The following SYNE2 variants were observed in gnomAD, a reference collection of about 807,000 sequenced individuals.
The protein encoded by SYNE2 is nesprin-2.
Under a neutral mutation model 856.3 loss-of-function variants are expected in SYNE2, and 431 were observed. That is an observed-to-expected ratio of 0.50 (90% CI 0.47 to 0.55). The LOEUF (loss-of-function observed/expected upper bound fraction) is 0.55. Among genes scored for constraint, SYNE2 ranks in the 20% least tolerant of loss-of-function variants. SYNE2 has a pLI of 0.00. For missense variants in SYNE2, 8,129 were observed against 8,023.2 expected (o/e 1.01, Z -0.50); for synonymous variants, 2,923 against 2,872.3 (o/e 1.02, Z -0.56).
At chr14:64,031,844 C>G (rs2097039019) in intron 45 of SYNE2, among the ~76,000 whole-genome samples, 1 of 152,196 alleles carries the variant, frequency 6.6e-6, no homozygotes, top group Admixed American at 6.5e-5. Flanking sequence ...AGGCTCCTAG[C>G]TTTCCCTAGG....
At chr14:63,853,323 G>T (rs1361329876) in intron 1 of SYNE2, among the ~76,000 whole-genome samples, 180 bp downstream of exon 1, 1 of 151,890 alleles carries the variant, frequency 6.6e-6, no homozygotes, top group African/African-American at 2.4e-5. Flanking sequence ...TTGCTCGGGT[G>T]GGGAGAGCGG....
intron 1 of SYNE2, among the ~76,000 whole-genome samples, chr14:63,885,198 C>CT (rs1239664067): frequency 6.6e-6 from 1 of 152,266 alleles, no homozygotes; most frequent in Admixed American, 6.5e-5. Context: ...TAGGACAACT[C>CT]TGAGAGCCAT....
rs1412638125 is a variant in SYNE2 at position 63,865,712 on chromosome 14, C to G, written c.-52+12569C>G. 1.2e-4 allele frequency among the ~76,000 whole-genome samples: 9 copies of G among 72,864 alleles called. 1 individual carries two copies. The South Asian group carries it at 3.3e-3, about 27-fold the overall frequency. 47.8% of individuals were successfully genotyped at this position (72,864 alleles called of 152,430 possible). On this transcript the variant is annotated intron_variant, in intron 1 of 115. Coordinates refer to ENST00000555002, the MANE Select transcript of SYNE2 (RefSeq NM_182914.3). ...GGGCAACAAGAGCAAAACTCTGTAC[C>G]CACCCCCCCCCCAAAAAAAAAGAAA...
intron 2 of SYNE2, among the ~76,000 whole-genome samples, chr14:63,912,858 G>A (rs1455617155): frequency 1.3e-5 from 2 of 152,214 alleles, no homozygotes; most frequent in Non-Finnish European, 2.9e-5. Flanking sequence ...CGATAAGCAA[G>A]TGACTTTATC....
rs17101577 is a variant in SYNE2 at position 64,047,715 on chromosome 14, T to C, written c.7222-285T>C. Among the ~76,000 whole-genome samples the C allele has an allele frequency of 0.06, 9,075 of 152,260 alleles. 402 individuals are homozygous for C. The highest frequency in any genetic ancestry group is 0.12 in the African/African-American group (4,896 of 41,536). Reference sequence around the variant, plus strand: ...AACACTAAAGCATACACTTTTGGGGTTTTTTTAAATACTTTTTTCTGTCTT... The same window carrying C: ...AACACTAAAGCATACACTTTTGGGGCTTTTTTAAATACTTTTTTCTGTCTT... On this transcript the variant is annotated intron_variant, in intron 45 of 115. Transcript: ENST00000555002.
chr14:63,769,298 G>C (rs1886803753), intron 1 of SYNE2, among the ~76,000 whole-genome samples: 1 of 152,106 alleles, frequency 6.6e-6, no homozygotes, highest in Non-Finnish European at 1.5e-5. Flanking sequence ...GGGTAGGCCA[G>C]GCATGTTGGC....
At position 64,225,300 on chromosome 14, in the gene SYNE2, C is replaced by T. The variant is rs375356310; in HGVS notation, c.20517-19C>T. On this transcript the variant is annotated intron_variant, in intron 115 of 115. Transcript: ENST00000555002. ...CCTGTGGAGCCTCCCAATCAGCTCT[C>T]AACCTCCTCTGTTGGCAGGGTCCCC... 6.2e-7 allele frequency: 1 copy of T among 1,613,978 alleles called. No individual in the cohort carries two copies. The highest frequency in any genetic ancestry group is 1.7e-5 in the Admixed American group (1 of 60,006).
intron 107 of SYNE2, 33 bp from the exon 108 acceptor site, chr14:64,216,215 G>C: frequency 6.2e-7 from 1 of 1,613,464 alleles, no homozygotes; most frequent in East Asian, 2.2e-5. Context: ...CAGTAGGAGA[G>C]AATAGACTGT....
rs539934365 is a variant in SYNE2 at position 64,225,391 on chromosome 14, G to C, written c.20589G>C (p.Leu6863=). The C allele has an allele frequency of 6.2e-7, 1 of 1,614,090 alleles. No individual in the cohort carries two copies. The highest frequency in any genetic ancestry group is 2.2e-5 in the East Asian group (1 of 44,882). ...RVVRAALPLQ[L]LLLLLLLLAC... Reference sequence around the variant, plus strand: ...TCCGGGCAGCCCTACCCCTGCAGCTGCTCCTCCTGCTGCTGCTGCTCCTGG... The same window carrying C: ...TCCGGGCAGCCCTACCCCTGCAGCTCCTCCTCCTGCTGCTGCTGCTCCTGG... The change falls in exon 116 of 116, where the codon CTG becomes CTC. Residue 6863 remains leucine (L), a synonymous_variant. Coordinates refer to ENST00000555002, the MANE Select transcript of SYNE2 (RefSeq NM_182914.3).
rs189297182 is a variant in SYNE2, at chr14:63,888,376, C to T, written c.-51-20722C>T. Among the ~76,000 whole-genome samples, 30 of 152,214 alleles carry T rather than the reference C, an allele frequency of 2.0e-4. No individual in the cohort carries two copies. In the East Asian group the frequency reaches 5.6e-3, roughly 29 times the overall value. On this transcript the variant is annotated intron_variant, in intron 1 of 115. Coordinates refer to ENST00000555002, the MANE Select transcript of SYNE2 (RefSeq NM_182914.3). ...CCAGCCAGCAGCTGTGTGTGCTGGT[C>T]CCTGCTTCTCTCACCATGAGCTGGG...
chr14:64,006,944 G>T, intron 30 of SYNE2, 99 bp from the exon 31 acceptor site: 1 of 939,972 alleles, frequency 1.1e-6, no homozygotes, highest in East Asian at 2.4e-5. Context: ...ACCACATGAG[G>T]ACAAATTAAA....
intron 45 of SYNE2, among the ~76,000 whole-genome samples, chr14:64,038,108 C>G (rs531059081): frequency 3.4e-4 from 52 of 152,048 alleles, no homozygotes; most frequent in African/African-American, 1.2e-3. Context: ...CAGAGATGCT[C>G]CTCATCTCCC....
intron 1 of SYNE2, among the ~76,000 whole-genome samples, chr14:63,859,147 A>G (rs955916578): frequency 3.3e-5 from 5 of 152,346 alleles, no homozygotes; most frequent in South Asian, 4.1e-4. Context: ...GGATGCTGCT[A>G]GATACCCTAC....
At chr14:63,999,166 C>A in intron 27 of SYNE2, 126 bp downstream of exon 27, 1 of 947,132 alleles carries the variant, frequency 1.1e-6, no homozygotes, top group Non-Finnish European at 1.6e-6. Flanking sequence ...ACTCTCTTTG[C>A]TGGATTGCAT....
At chr14:64,123,461 C>G (rs1385641258) in intron 70 of SYNE2, among the ~76,000 whole-genome samples, 1 of 152,258 alleles carries the variant, frequency 6.6e-6, no homozygotes, top group African/African-American at 2.4e-5. Flanking sequence ...CGCTAAGGAC[C>G]TTATTTGACC....
chr14:63,830,447 C>T (rs1037334697), intron 1 of SYNE2, among the ~76,000 whole-genome samples: 2 of 151,822 alleles, frequency 1.3e-5, no homozygotes, highest in Non-Finnish European at 2.9e-5. Flanking sequence ...TCCCTTTTGT[C>T]CAGGAGTTTG....
rs527519793 is a variant in SYNE2 at position 64,046,435 on chromosome 14, C to T, written c.7222-1565C>T. Among the ~76,000 whole-genome samples, 145 of 152,314 alleles carry T rather than the reference C, an allele frequency of 9.5e-4. 1 individual carries two copies. The highest frequency in any genetic ancestry group is 3.3e-3 in the African/African-American group (139 of 41,568). ...TGGCACAATCATGGCTCACTGTAGCCTCAGCCTCCTGGACACAAGTGATCC... is the reference window on the plus strand; with the variant it reads ...TGGCACAATCATGGCTCACTGTAGCTTCAGCCTCCTGGACACAAGTGATCC... On this transcript the variant is annotated intron_variant, in intron 45 of 115. Coordinates refer to ENST00000555002, the MANE Select transcript of SYNE2 (RefSeq NM_182914.3).
intron 1 of SYNE2, among the ~76,000 whole-genome samples, chr14:63,799,553 A>AG (rs1265072363): frequency 6.6e-6 from 1 of 151,956 alleles, no homozygotes; most frequent in Non-Finnish European, 1.5e-5. Context: ...AAACAAAAAA[A>AG]TTTAGCCGGG....
intron 1 of SYNE2, among the ~76,000 whole-genome samples, chr14:63,859,156 A>G (rs975879417): frequency 6.6e-6 from 1 of 152,190 alleles, no homozygotes; most frequent in Non-Finnish European, 1.5e-5. Flanking sequence ...TAGATACCCT[A>G]CAGTGGATAG....
Sources: gnomAD v4.1 joint callset for allele counts (sites outside exome capture counted in the v4.1 genomes callset) on GRCh38, gnomAD v4.1.1 for gene constraint, MANE v1.5 for transcripts, NCBI Gene and HGNC (gene_info 2026-07-23, HGNC 2026-07-21) for gene names.